The following EMC3 variants were observed in gnomAD, a reference collection of about 807,000 sequenced individuals.
EMC3 encodes 30 kDa protein.
Under a neutral mutation model 36.6 loss-of-function variants are expected in EMC3, and 13 were observed. That is an observed-to-expected ratio of 0.35 (90% CI 0.23 to 0.56). The LOEUF is 0.56. EMC3 is among the 20% of genes least tolerant of loss of function. The pLI, the probability that EMC3 is intolerant of heterozygous loss-of-function variation, is 0.84. For synonymous variants in EMC3, 120 were observed against 111.9 expected (o/e 1.07, Z -0.46); for missense variants, 220 against 324.5 (o/e 0.68, Z 2.47).
intron 1 of EMC3, among the ~76,000 whole-genome samples, chr3:9,980,684 A>G (rs2124913624): frequency 1.3e-5 from 2 of 151,662 alleles, no homozygotes; most frequent in Middle Eastern, 3.4e-3. Context: ...CACCACACCC[A>G]GCCAAGTGGA....
intron 1 of EMC3, among the ~76,000 whole-genome samples, chr3:9,999,209 A>T (rs975920888): frequency 3.9e-5 from 6 of 151,968 alleles, no homozygotes; most frequent in Admixed American, 1.3e-4. Flanking sequence ...CCTTTGATGT[A>T]CAAAAGTATT....
chr3:10,008,927 C>G (rs1263205195), intron 1 of EMC3: 47 of 160,082 alleles, frequency 2.9e-4, no homozygotes, highest in Admixed American at 2.9e-3. Context: ...AAATGCAGCC[C>G]TGAGTCCGTC....
At chr3:9,991,344 C>T (rs142698759), upstream of EMC3, among the ~76,000 whole-genome samples, 23 of 152,290 alleles carry the variant, frequency 1.5e-4, 1 homozygote, top group African/African-American at 4.1e-4. Flanking sequence ...GTAAAAAATA[C>T]AGTTTTTCTC....
intron 1 of EMC3, among the ~76,000 whole-genome samples, chr3:9,985,339 A>C (rs1435185288): frequency 1.3e-5 from 2 of 152,234 alleles, no homozygotes; most frequent in Non-Finnish European, 2.9e-5. Context: ...CTCTTTATTA[A>C]AACGAGAAAT....
At position 9,964,106 on chromosome 3, in the gene EMC3, C is replaced by G. The variant is rs141689282; in HGVS notation, c.749G>C (p.Gly250Ala). 657 of 1,614,138 alleles carry G rather than the reference C, an allele frequency of 4.1e-4. 2 individuals carry two copies. In the African/African-American group the frequency reaches 7.4e-3, roughly 18 times the overall value. Residue 250 changes from glycine (G) to alanine (A), a missense_variant, in exon 8 of 8, where the codon GGC (glycine) becomes GCC (alanine). By Grantham distance (60) the Gly-to-Ala change is moderately conservative. Transcript: ENST00000245046. ...ELMAKDLHFE[G>A]MFKKELQTSI... ...GGTCTGTAATTCCTTTTTGAACATG[C>G]CTTCGAAGTGGAGGTCTTTGGCCAT...
At chr3:10,003,090 C>T (rs904752074) in intron 1 of EMC3, 2 of 456,768 alleles carry the variant, frequency 4.4e-6, no homozygotes, top group Non-Finnish European at 4.4e-6. Context: ...CCCAGAGCAA[C>T]AGCAGCAGTG....
At chr3:9,985,488 C>G (rs1003800560) in intron 1 of EMC3, among the ~76,000 whole-genome samples, 16 of 152,288 alleles carry the variant, frequency 1.1e-4, no homozygotes, top group African/African-American at 3.9e-4. Flanking sequence ...CTCCCACAAT[C>G]CTCCTGCCTC....
chr3:9,969,312 C>A, intron 7 of EMC3: 1 of 1,102,528 alleles, frequency 9.1e-7, no homozygotes, highest in Non-Finnish European at 1.1e-6. Context: ...AGATTTTGTC[C>A]CACAAAAATC....
chr3:9,966,655 A>T (rs763029788), intron 7 of EMC3, among the ~76,000 whole-genome samples: 1 of 150,162 alleles, frequency 6.7e-6, no homozygotes, highest in South Asian at 2.1e-4. Context: ...GCTCACTGCA[A>T]CCTCTGCCTC....
At chr3:10,000,877 C>T (rs2086190343) in intron 1 of EMC3, 1 of 476,974 alleles carries the variant, frequency 2.1e-6, no homozygotes. Context: ...CTTGTGCTTG[C>T]CTCCCTTTTC....
intron 1 of EMC3, chr3:9,994,293 GT>G: frequency 2.1e-6 from 2 of 947,708 alleles, no homozygotes. Flanking sequence ...CAAATAATGT[GT>G]TTATGTTTTT....
At chr3:9,969,551 T>TA (rs2085764143) in intron 7 of EMC3, 168 bp downstream of exon 7, 7 of 1,505,580 alleles carry the variant, frequency 4.6e-6, no homozygotes, top group Non-Finnish European at 6.2e-6. Flanking sequence ...ATTTACTTAA[T>TA]AGATGATTCT....
intron 1 of EMC3, chr3:10,004,357 G>T (rs997562547): frequency 6.6e-6 from 1 of 152,154 alleles, no homozygotes; most frequent in African/African-American, 2.4e-5. Flanking sequence ...CCCAGCTTTT[G>T]GTGGCCATGG....
Position 9,981,156 on chromosome 3 carries a change from C to T in EMC3, c.156-3710G>A, listed in dbSNP as rs771153266. Among the ~76,000 whole-genome samples the T allele has an allele frequency of 6.8e-4, 103 of 152,178 alleles. 1 individual carries two copies. Among genetic ancestry groups the T allele is most frequent in the Non-Finnish European group, 9.1e-4 (62 of 68,028 alleles). On this transcript the variant is annotated intron_variant, in intron 1 of 7. Transcript: ENST00000245046. ...GATCGAGGCTGAAGTGAGCCATGAT[C>T]GCACCACTGCGATCGCAGCCTCAAT...
intron 1 of EMC3, among the ~76,000 whole-genome samples, chr3:9,998,227 G>A (rs531746158): frequency 5.9e-5 from 9 of 151,710 alleles, no homozygotes; most frequent in East Asian, 3.9e-4. Context: ...TTAGCTAGGC[G>A]TGGTGGTGTG....
At chr3:9,974,566 T>A in intron 3 of EMC3, 78 bp from the exon 4 acceptor site, 1 of 1,022,610 alleles carries the variant, frequency 9.8e-7, no homozygotes, top group Non-Finnish European at 1.5e-6. Context: ...TTCTGTAAAC[T>A]GTTTTTTTTT....
At chr3:9,998,636 A>T (rs1276983632) in intron 1 of EMC3, among the ~76,000 whole-genome samples, 1 of 151,840 alleles carries the variant, frequency 6.6e-6, no homozygotes, top group Non-Finnish European at 1.5e-5. Context: ...ACGGAGTGAT[A>T]CCTCATTGTG....
chr3:9,984,676 C>A (rs1471551667), intron 1 of EMC3, among the ~76,000 whole-genome samples: 2 of 152,230 alleles, frequency 1.3e-5, no homozygotes, highest in Admixed American at 1.3e-4. Context: ...CAGGCATGAG[C>A]CACCATGCCC....
At chr3:9,976,231 G>A (rs1241754323) in intron 3 of EMC3, among the ~76,000 whole-genome samples, 1 of 151,900 alleles carries the variant, frequency 6.6e-6, no homozygotes, top group Non-Finnish European at 1.5e-5. Context: ...TCAGCCTCCG[G>A]GGTAGCTGGG....
Sources: allele counts gnomAD v4.1 joint callset (sites outside exome capture counted in the v4.1 genomes callset), GRCh38; gene constraint gnomAD v4.1.1; transcripts MANE v1.5; gene names NCBI Gene and HGNC (gene_info 2026-07-23, HGNC 2026-07-21).